Variants in EYS observed in about 807,000 individuals in gnomAD.
EYS encodes the protein protein eyes shut homolog.
EYS carries 250 observed loss-of-function variants against 282.1 expected under a neutral mutation model. That is an observed-to-expected ratio of 0.89 (90% CI 0.80 to 0.98). The LOEUF (loss-of-function observed/expected upper bound fraction) is 0.98. EYS is among the 50% of genes least tolerant of loss of function. EYS has a pLI of 0.00. For missense variants in EYS, 4,016 were observed against 3,709.0 expected (o/e 1.08, Z -2.15); for synonymous variants, 1,355 against 1,282.9 (o/e 1.06, Z -1.20).
At chr6:64,076,700 C>G (rs547776878) in intron 32 of EYS, among the ~76,000 whole-genome samples, 59 of 152,042 alleles carry the variant, frequency 3.9e-4, no homozygotes, top group African/African-American at 1.4e-3. Context: ...CCCCGTGGAA[C>G]TGTGAGTCCA....
At chr6:65,457,010 GTTTAGGCA>G (rs66473108) in intron 5 of EYS, among the ~76,000 whole-genome samples, 28,087 of 151,960 alleles carry the variant, frequency 0.18, 3,226 homozygotes, top group Middle Eastern at 0.29. Context: ...ACCCCCTTGA[GTTTAGGCA>G]TAGCTTTGTG....
intron 34 of EYS, among the ~76,000 whole-genome samples, chr6:63,995,348 T>G (rs892745496): frequency 4.6e-5 from 7 of 151,868 alleles, no homozygotes; most frequent in Admixed American, 6.6e-5. Context: ...AAAACCACAA[T>G]GAGATATCAC....
intron 33 of EYS, among the ~76,000 whole-genome samples, chr6:64,054,795 A>G (rs1770926887): frequency 6.6e-6 from 1 of 152,196 alleles, no homozygotes; most frequent in African/African-American, 2.4e-5. Flanking sequence ...AAGATATTAT[A>G]AAGAATAAGT....
intron 39 of EYS, among the ~76,000 whole-genome samples, chr6:63,782,991 G>A (rs1770273700): frequency 6.8e-6 from 1 of 147,484 alleles, no homozygotes; most frequent in African/African-American, 2.5e-5. Flanking sequence ...AATTATTGCA[G>A]TAAACTGATT....
At chr6:64,411,679 TA>T (rs1415131464) in intron 28 of EYS, among the ~76,000 whole-genome samples, 6 of 151,866 alleles carry the variant, frequency 4.0e-5, no homozygotes, top group Non-Finnish European at 5.9e-5. Context: ...CCTACCAATA[TA>T]CAAAAGTTTA....
intron 9 of EYS, among the ~76,000 whole-genome samples, chr6:65,352,222 T>C (rs1764309722): frequency 6.6e-6 from 1 of 152,010 alleles, no homozygotes; most frequent in African/African-American, 2.4e-5. Context: ...GGCTAATTGT[T>C]AGTTTACTTC....
intron 29 of EYS, among the ~76,000 whole-genome samples, chr6:64,386,808 C>G (rs748750668): frequency 1.3e-5 from 2 of 152,048 alleles, no homozygotes; most frequent in African/African-American, 2.4e-5. Context: ...TGCCAAAATA[C>G]CTTTTTTGTT....
At chr6:64,240,027 T>C (rs1175286829) in intron 30 of EYS, among the ~76,000 whole-genome samples, 1 of 152,210 alleles carries the variant, frequency 6.6e-6, no homozygotes, top group Non-Finnish European at 1.5e-5. Context: ...TCCCCATTGC[T>C]TGTTTTTCTC....
chr6:64,087,938 T>G (rs1208987538), intron 31 of EYS, among the ~76,000 whole-genome samples: 1 of 152,154 alleles, frequency 6.6e-6, no homozygotes, highest in Non-Finnish European at 1.5e-5. Flanking sequence ...ACTTCCGTGT[T>G]GCTTTGCAGG....
chr6:65,059,441 T>C (rs80265918), intron 12 of EYS, among the ~76,000 whole-genome samples: 104 of 152,186 alleles, frequency 6.8e-4, no homozygotes, highest in Non-Finnish European at 1.2e-3. Flanking sequence ...TAGGAGGTAG[T>C]ATTACAACTT....
intron 22 of EYS, among the ~76,000 whole-genome samples, chr6:64,644,757 A>G (rs1768290631): frequency 6.6e-6 from 1 of 152,194 alleles, no homozygotes; most frequent in South Asian, 2.1e-4. Context: ...AATGCAGTTA[A>G]AATAATGGTC....
intron 33 of EYS, among the ~76,000 whole-genome samples, chr6:64,055,017 A>C (rs558123656): frequency 6.6e-6 from 1 of 152,262 alleles, no homozygotes; most frequent in South Asian, 2.1e-4. Context: ...TTTCTTTCCT[A>C]ATGTCATGGA....
intron 31 of EYS, among the ~76,000 whole-genome samples, chr6:64,192,923 A>C (rs957545820): frequency 6.6e-6 from 1 of 152,066 alleles, no homozygotes; most frequent in Non-Finnish European, 1.5e-5. Context: ...TCAATAAATC[A>C]TGTTTCTCTC....
At chr6:65,147,970 G>T (rs116031431) in intron 12 of EYS, among the ~76,000 whole-genome samples, 203 of 152,072 alleles carry the variant, frequency 1.3e-3, no homozygotes, top group Non-Finnish European at 2.5e-3. Flanking sequence ...GACATCATGG[G>T]GAAAACTACC....
intron 12 of EYS, among the ~76,000 whole-genome samples, chr6:65,160,805 C>T (rs763552632): frequency 1.8e-4 from 27 of 150,766 alleles, no homozygotes; most frequent in African/African-American, 2.4e-4. Context: ...GTGGATATCA[C>T]GAGAAATTCA....
intron 33 of EYS, among the ~76,000 whole-genome samples, chr6:64,061,941 T>C (rs917318247): frequency 6.6e-6 from 1 of 150,592 alleles, no homozygotes. Context: ...AGTGGGAGCG[T>C]GGGCAACAGA....
intron 31 of EYS, among the ~76,000 whole-genome samples, chr6:64,131,122 C>T (rs998436183): frequency 1.3e-5 from 2 of 152,042 alleles, no homozygotes; most frequent in Non-Finnish European, 2.9e-5. Context: ...CCCCCTTGGC[C>T]TCCCAAAGTG....
intron 29 of EYS, among the ~76,000 whole-genome samples, chr6:64,337,502 A>G (rs1770899641): frequency 1.3e-5 from 2 of 152,104 alleles, no homozygotes; most frequent in African/African-American, 4.8e-5. Context: ...ATTACCAACA[A>G]AAAAATTCCA....
chr6:63,977,793 G>A (rs1398629114), intron 35 of EYS, among the ~76,000 whole-genome samples: 2 of 151,904 alleles, frequency 1.3e-5, no homozygotes, highest in African/African-American at 2.4e-5. Flanking sequence ...AAAACCTTTC[G>A]ATATTTTTCA....
Sources: gnomAD v4.1 joint callset for allele counts (sites outside exome capture counted in the v4.1 genomes callset) on GRCh38, gnomAD v4.1.1 for gene constraint, MANE v1.5 for transcripts, NCBI Gene and HGNC (gene_info 2026-07-23, HGNC 2026-07-21) for gene names.